Variants in ECHDC1 observed in about 807,000 individuals in gnomAD.
ECHDC1 encodes ethylmalonyl-CoA decarboxylase.
Under a neutral mutation model 29.7 loss-of-function variants are expected in ECHDC1, and 29 were observed. That is an observed-to-expected ratio of 0.98 (90% confidence interval 0.73 to 1.33). ECHDC1 has a LOEUF of 1.33. Among genes scored for constraint, ECHDC1 ranks in the 40% most tolerant of loss-of-function variants. ECHDC1 has a pLI of 0.00. For synonymous variants in ECHDC1, 126 were observed against 123.1 expected (o/e 1.02, Z -0.15); for missense variants, 328 against 350.0 (o/e 0.94, Z 0.50).
At chr6:127,290,820 A>G (rs1780103182) in intron 5 of ECHDC1, among the ~76,000 whole-genome samples, 1 of 152,104 alleles carries the variant, frequency 6.6e-6, no homozygotes, top group Admixed American at 6.6e-5. Context: ...TTTGGAGAGA[A>G]AGGCATTAAA....
intron 5 of ECHDC1, among the ~76,000 whole-genome samples, chr6:127,310,546 A>G (rs1457119989): frequency 6.6e-6 from 1 of 152,204 alleles, no homozygotes; most frequent in Non-Finnish European, 1.5e-5. Flanking sequence ...AGATGTAACC[A>G]AATTGCTACA....
At chr6:127,300,319 G>C in intron 5 of ECHDC1, among the ~76,000 whole-genome samples, 1 of 152,194 alleles carries the variant, frequency 6.6e-6, no homozygotes, top group East Asian at 1.9e-4. Flanking sequence ...ATACGTGGTA[G>C]GTAGATTGGC....
At chr6:127,326,582 TTTAAAA>T (rs1364611304) in intron 3 of ECHDC1, 16 of 413,442 alleles carry the variant, frequency 3.9e-5, no homozygotes, top group Non-Finnish European at 6.0e-5. Flanking sequence ...TTCCTGTAAA[TTTAAAA>T]TTATTCTAAA....
intron 5 of ECHDC1, among the ~76,000 whole-genome samples, chr6:127,300,083 G>A (rs1032666778): frequency 7.9e-5 from 12 of 151,990 alleles, no homozygotes; most frequent in Admixed American, 3.3e-4. Flanking sequence ...ACAAAATCAC[G>A]TAATGACACA....
chr6:127,304,767 T>C (rs535780836), intron 5 of ECHDC1, among the ~76,000 whole-genome samples: 1 of 152,308 alleles, frequency 6.6e-6, no homozygotes, highest in South Asian at 2.1e-4. Context: ...TATTGAAGAA[T>C]GCATCAGAAC....
At chr6:127,314,972 T>C (rs773513620) in intron 4 of ECHDC1, 76 bp from the exon 5 acceptor site, 1 of 1,419,310 alleles carries the variant, frequency 7.0e-7, no homozygotes. Context: ...TTTTAAAAAA[T>C]CTTAAAATGC....
intron 3 of ECHDC1, among the ~76,000 whole-genome samples, chr6:127,321,264 AAAG>A (rs1409196651): frequency 1.3e-5 from 2 of 152,214 alleles, no homozygotes; most frequent in Admixed American, 1.3e-4. Flanking sequence ...GTATTTGGAT[AAAG>A]AAGAGCCTCA....
At chr6:127,298,879 AT>A (rs758683225) in intron 5 of ECHDC1, among the ~76,000 whole-genome samples, 350 of 144,314 alleles carry the variant, frequency 2.4e-3, no homozygotes, top group Middle Eastern at 3.7e-3. Context: ...ACTGTACTAT[AT>A]TTTTTTTTTT....
At chr6:127,335,245 G>GAT (rs1401934984) in intron 1 of ECHDC1, among the ~76,000 whole-genome samples, 1 of 151,992 alleles carries the variant, frequency 6.6e-6, no homozygotes, top group African/African-American at 2.4e-5. Context: ...CACACAGTGG[G>GAT]ATGTAATCCC....
At chr6:127,325,874 T>A (rs1002431547) in intron 3 of ECHDC1, among the ~76,000 whole-genome samples, 3 of 152,052 alleles carry the variant, frequency 2.0e-5, no homozygotes, top group East Asian at 3.8e-4. Context: ...CTAATTTTTT[T>A]AATTTTTTGG....
intron 4 of ECHDC1, 175 bp from the exon 5 acceptor site, chr6:127,315,071 A>G (rs1237173807): frequency 1.4e-6 from 1 of 709,752 alleles, no homozygotes; most frequent in African/African-American, 1.7e-5. Flanking sequence ...CATGAGAAGA[A>G]AAACAGTGTA....
chr6:127,313,495 G>A (rs1023634652), intron 5 of ECHDC1: 13 of 435,654 alleles, frequency 3.0e-5, no homozygotes, highest in African/African-American at 1.2e-4. Context: ...GAGCCACCAC[G>A]CCAGGCTTAA....
intron 3 of ECHDC1, among the ~76,000 whole-genome samples, chr6:127,323,934 T>C (rs960780018): frequency 6.6e-6 from 1 of 152,158 alleles, no homozygotes; most frequent in African/African-American, 2.4e-5. Flanking sequence ...TTCAAAAGCA[T>C]ATTTTTAAAT....
intron 5 of ECHDC1, among the ~76,000 whole-genome samples, chr6:127,292,940 T>G (rs1780315676): frequency 6.6e-6 from 1 of 152,154 alleles, no homozygotes; most frequent in Non-Finnish European, 1.5e-5. Flanking sequence ...GTCTTCTAAC[T>G]GTTTAATAGC....
intron 1 of ECHDC1, among the ~76,000 whole-genome samples, chr6:127,331,628 A>G (rs74729410): frequency 6.6e-6 from 1 of 152,204 alleles, no homozygotes; most frequent in Admixed American, 6.5e-5. Context: ...CTTAGAAAAA[A>G]TGCTGCTCTG....
intron 1 of ECHDC1, among the ~76,000 whole-genome samples, chr6:127,335,032 AT>A (rs1220499877): frequency 6.6e-6 from 1 of 152,138 alleles, no homozygotes; most frequent in Non-Finnish European, 1.5e-5. Context: ...AGTAAAAAAA[AT>A]AACTCATCAC....
chr6:127,308,163 C>G (rs1781600040), intron 5 of ECHDC1, among the ~76,000 whole-genome samples: 1 of 151,988 alleles, frequency 6.6e-6, no homozygotes, highest in Non-Finnish European at 1.5e-5. Flanking sequence ...CAAGTATTAC[C>G]CTGATACCAA....
At chr6:127,291,765 C>T (rs1347698927) in intron 5 of ECHDC1, among the ~76,000 whole-genome samples, 1 of 152,036 alleles carries the variant, frequency 6.6e-6, no homozygotes, top group African/African-American at 2.4e-5. Context: ...AGTCTTTGAC[C>T]CGAGAGAATT....
chr6:127,310,354 T>TA (rs996427394), intron 5 of ECHDC1, among the ~76,000 whole-genome samples: 4 of 152,154 alleles, frequency 2.6e-5, no homozygotes, highest in Admixed American at 1.3e-4. Context: ...ATGTACCCCA[T>TA]AAATATATAC....
Sources: allele counts gnomAD v4.1 joint callset (sites outside exome capture counted in the v4.1 genomes callset), GRCh38; gene constraint gnomAD v4.1.1; transcripts MANE v1.5; gene names NCBI Gene and HGNC (gene_info 2026-07-23, HGNC 2026-07-21).